NFIB: variants seen among roughly 807,000 people sequenced by gnomAD.
NFIB encodes nuclear factor I B.
A neutral mutation model predicts 61.5 loss-of-function variants in NFIB; 11 were observed. The ratio of observed to expected loss-of-function variants is 0.18; its 90% CI spans 0.11 to 0.30. The LOEUF (loss-of-function observed/expected upper bound fraction) is 0.30. NFIB is among the 10% of genes least tolerant of loss of function. The pLI, the probability that NFIB is intolerant of heterozygous loss-of-function variation, is 1.00. For synonymous variants in NFIB, 260 were observed against 216.5 expected (o/e 1.20, Z -1.76); for missense variants, 471 against 608.9 (o/e 0.77, Z 2.38).
rs1328799230 is a variant in NFIB, at chr9:14,086,613, T to C, written c.*1696A>G. 4.6e-6 allele frequency: 1 copy of C among 216,000 alleles called. No homozygotes were observed. The highest frequency in any genetic ancestry group is 9.3e-6 in the Non-Finnish European group (1 of 106,996). The allele number at this position is 216,000 out of a possible 1,614,324, so 13.4% of individuals were successfully genotyped here. On this transcript the variant is annotated 3_prime_UTR_variant, in exon 11 of 11. Transcript: ENST00000380953. ...GCGGCAACTATACACAGCCATGATA[T>C]GCTTTATAAATGTGAGATAAAGGTA...
intron 3 of NFIB, among the ~76,000 whole-genome samples, chr9:14,167,148 C>T (rs1053131582): frequency 6.8e-6 from 1 of 146,928 alleles, no homozygotes. Flanking sequence ...AGACAGAAAA[C>T]AGATCAATAA....
intron 1 of NFIB, among the ~76,000 whole-genome samples, chr9:14,344,347 C>T (rs2060993222): frequency 6.6e-6 from 1 of 150,980 alleles, no homozygotes. Context: ...CTTGGCAGGT[C>T]GACAGGAGCA....
At chr9:14,140,147 G>C (rs1271223727) in intron 6 of NFIB, among the ~76,000 whole-genome samples, 1 of 152,200 alleles carries the variant, frequency 6.6e-6, no homozygotes, top group East Asian at 1.9e-4. Flanking sequence ...AGGAATATAA[G>C]GAATTGTTGG....
intron 1 of NFIB, among the ~76,000 whole-genome samples, chr9:14,325,142 G>T (rs546905708): frequency 5.9e-5 from 9 of 151,982 alleles, no homozygotes; most frequent in Admixed American, 5.2e-4. Context: ...TATAATTAAG[G>T]TCCAGTATCT....
intron 2 of NFIB, among the ~76,000 whole-genome samples, chr9:14,218,252 T>C (rs373443822): frequency 6.6e-6 from 1 of 152,134 alleles, no homozygotes; most frequent in African/African-American, 2.4e-5. Context: ...AAATAGAAAA[T>C]AAAATGATTT....
At chr9:14,296,191 T>C (rs1404295999) in intron 2 of NFIB, among the ~76,000 whole-genome samples, 2 of 152,246 alleles carry the variant, frequency 1.3e-5, no homozygotes, top group Non-Finnish European at 2.9e-5. Flanking sequence ...CCTGGCAGTC[T>C]ACATTATGCT....
At chr9:14,199,123 C>T (rs1337466656) in intron 2 of NFIB, among the ~76,000 whole-genome samples, 1 of 152,222 alleles carries the variant, frequency 6.6e-6, no homozygotes, top group Non-Finnish European at 1.5e-5. Context: ...TTCGCTTCTA[C>T]AGCTTTTTCC....
At position 14,343,834 on chromosome 9, in the gene NFIB, G is replaced by A. The variant is rs550879953; in HGVS notation, c.109-36314C>T. Reference sequence around the variant, plus strand: ...GGCTGCTTGGGGACAAGGGGGGGTCGGGGGGGGAAGTGTGCCAGAAACCTT... The same window carrying A: ...GGCTGCTTGGGGACAAGGGGGGGTCAGGGGGGGAAGTGTGCCAGAAACCTT... On this transcript the variant is annotated intron_variant, in intron 1 of 8. Coordinates refer to the NFIB transcript ENST00000380934. Among the ~76,000 whole-genome samples, 54 of 83,048 alleles carry A rather than the reference G, an allele frequency of 6.5e-4. No homozygotes were observed. The African/African-American group carries it at 6.5e-3, about 10-fold the overall frequency. 54.5% of individuals were successfully genotyped at this position (83,048 alleles called of 152,430 possible).
chr9:14,480,329 C>T, the NFIB span, among the ~76,000 whole-genome samples: 12 of 152,102 alleles, frequency 7.9e-5, no homozygotes, highest in East Asian at 5.8e-4. Context: ...CATGCTGCTT[C>T]TTGACCCAGT....
chr9:14,310,984 G>A (rs1348696972), intron 1 of NFIB, among the ~76,000 whole-genome samples: 3 of 151,930 alleles, frequency 2.0e-5, no homozygotes, highest in Non-Finnish European at 4.4e-5. Flanking sequence ...GAACTTAAAA[G>A]CAACGAAAGA....
the NFIB span, among the ~76,000 whole-genome samples, chr9:14,442,110 G>C: frequency 6.6e-6 from 1 of 152,254 alleles, no homozygotes; most frequent in South Asian, 2.1e-4. Flanking sequence ...GGATCACACA[G>C]GCAGAGCTGC....
At chr9:14,234,320 A>C (rs905356056) in intron 2 of NFIB, among the ~76,000 whole-genome samples, 1 of 152,116 alleles carries the variant, frequency 6.6e-6, no homozygotes, top group Non-Finnish European at 1.5e-5. Context: ...GTGTAGTAGG[A>C]TAAGAAGGAA....
chr9:14,171,033 G>A (rs2045510314), intron 3 of NFIB, among the ~76,000 whole-genome samples: 2 of 152,150 alleles, frequency 1.3e-5, no homozygotes, highest in Admixed American at 1.3e-4. Flanking sequence ...ACTAACTGTA[G>A]CCCATGAACG....
chr9:14,530,501 G>A, the NFIB span, among the ~76,000 whole-genome samples: 6 of 152,098 alleles, frequency 3.9e-5, no homozygotes, highest in East Asian at 3.9e-4. Context: ...AAGTAGCAGC[G>A]GCAGAAAAGT....
rs1265784003 is a variant in NFIB, at chr9:14,084,734, A to C, written c.*3575T>G. The C allele has an allele frequency of 4.4e-6, 1 of 229,862 alleles. No individual in the cohort carries two copies. The highest frequency in any genetic ancestry group is 8.6e-6 in the Non-Finnish European group (1 of 115,974). 14.2% of individuals were successfully genotyped at this position (229,862 alleles called of 1,614,324 possible). The stretch of plus-strand genomic sequence containing the variant: ...TAAGGGAGGGGCGTGCAAGACCTGC[A>C]AAAGTGGGGCCCTTCGTCAGAATAT... On this transcript the variant is annotated 3_prime_UTR_variant, in exon 11 of 11. Transcript: ENST00000380953.
chr9:14,504,801 T>A, the NFIB span, among the ~76,000 whole-genome samples: 40 of 152,216 alleles, frequency 2.6e-4, no homozygotes, highest in South Asian at 6.2e-4. Context: ...ACTTCCTCTA[T>A]ACTGATTTGG....
chr9:14,175,091 T>C (rs2046014133), intron 3 of NFIB, among the ~76,000 whole-genome samples: 1 of 151,930 alleles, frequency 6.6e-6, no homozygotes, highest in Admixed American at 6.6e-5. Context: ...CAACCTTCTG[T>C]TGGCTTTGAT....
At chr9:14,474,746 A>C in the NFIB span, among the ~76,000 whole-genome samples, 1 of 152,190 alleles carries the variant, frequency 6.6e-6, no homozygotes, top group Non-Finnish European at 1.5e-5. Flanking sequence ...CAAAAGGGAG[A>C]AATCAAAAGA....
intron 8 of NFIB, among the ~76,000 whole-genome samples, chr9:14,119,879 C>G (rs563960414): frequency 5.3e-5 from 8 of 152,142 alleles, no homozygotes; most frequent in Non-Finnish European, 7.4e-5. Flanking sequence ...CCCAAAACCA[C>G]TGCACAATGT....
Sources: allele counts gnomAD v4.1 joint callset (sites outside exome capture counted in the v4.1 genomes callset), GRCh38; gene constraint gnomAD v4.1.1; transcripts MANE v1.5; gene names NCBI Gene and HGNC (gene_info 2026-07-23, HGNC 2026-07-21).